Variants in LAMC1 observed in about 807,000 individuals in gnomAD.
The protein encoded by LAMC1 is laminin subunit gamma-1.
In LAMC1, 38 loss-of-function variants were observed where a neutral mutation model predicts 173.6. That is an observed-to-expected ratio of 0.22 (90% CI 0.17 to 0.29). The LOEUF (loss-of-function observed/expected upper bound fraction) is 0.29, where lower values mean the gene tolerates loss of function less well. Among genes scored for constraint, LAMC1 ranks in the 10% least tolerant of loss-of-function variants. The probability of loss-of-function intolerance (pLI) is 1.00; values close to 1 mark genes in which losing one functional copy is unlikely to be tolerated. For missense variants in LAMC1, 1,824 were observed against 2,051.8 expected (o/e 0.89, Z 2.14); for synonymous variants, 746 against 749.1 (o/e 1.00, Z 0.07).
At chr1:183,044,718 T>C (rs1243901196) in intron 1 of LAMC1, among the ~76,000 whole-genome samples, 1 of 152,134 alleles carries the variant, frequency 6.6e-6, no homozygotes, top group African/African-American at 2.4e-5. Context: ...ACCTGTCTGT[T>C]CTGTTGAACT....
intron 26 of LAMC1, among the ~76,000 whole-genome samples, chr1:183,139,366 A>G (rs1657041011): frequency 1.3e-5 from 2 of 152,254 alleles, no homozygotes; most frequent in South Asian, 4.1e-4. Flanking sequence ...CAGAAGAATG[A>G]AGGTTTATAG....
chr1:183,125,479 C>A lies in LAMC1; in HGVS notation c.2730C>A (p.His910Gln). The change falls in exon 15 of 28, where the codon CAC (histidine) becomes CAA (glutamine). Residue 910 changes from histidine (H) to glutamine (Q), a missense_variant. Transcript: ENST00000258341. Reference protein sequence around the residue: ...PVTGQCECLPHVTGQDCGACD... With the variant: ...PVTGQCECLPQVTGQDCGACD... The stretch of plus-strand genomic sequence containing the variant: ...CGGGGCAGTGTGAATGTTTGCCTCA[C>A]GTGACTGGCCAGGACTGTGGTGCTT... 1 of 1,613,746 alleles carries A rather than the reference C, an allele frequency of 6.2e-7. No homozygotes were observed. The highest frequency in any genetic ancestry group is 8.5e-7 in the Non-Finnish European group (1 of 1,179,646).
chr1:183,130,621 A>G, intron 19 of LAMC1, 72 bp downstream of exon 19: 1 of 1,192,282 alleles, frequency 8.4e-7, no homozygotes, highest in Non-Finnish European at 1.2e-6. Context: ...TGTTACTGGC[A>G]GTGGAGTGCT....
chr1:183,031,704 CTGTT>C (rs1487062394), intron 1 of LAMC1, among the ~76,000 whole-genome samples: 2 of 152,100 alleles, frequency 1.3e-5, no homozygotes, highest in African/African-American at 4.8e-5. Flanking sequence ...TAGAGCAGAG[CTGTT>C]TGTTTATTTT....
At position 183,138,750 on chromosome 1, in the gene LAMC1, A is replaced by C. The variant is rs981179948; in HGVS notation, c.4473+923A>C. Among the ~76,000 whole-genome samples, 3 of 152,144 alleles carry C rather than the reference A, an allele frequency of 2.0e-5. No individual in the cohort carries two copies. In the South Asian group the frequency reaches 6.2e-4, roughly 32 times the overall value. ...GATTTTCTCCGTTATGGTGTGGCTC[A>C]AGTAAAAATTCCCATAAAGGTGTCT... On this transcript the variant is annotated intron_variant, in intron 26 of 27. Coordinates refer to ENST00000258341, the MANE Select transcript of LAMC1 (RefSeq NM_002293.4).
intron 21 of LAMC1, among the ~76,000 whole-genome samples, chr1:183,133,015 A>AT (rs1334520894): frequency 2.0e-5 from 3 of 151,978 alleles, no homozygotes; most frequent in Non-Finnish European, 4.4e-5. Context: ...GGTTCAAGCG[A>AT]TTCTCCTGCC....
chr1:183,029,357 A>C (rs1377378892), intron 1 of LAMC1, among the ~76,000 whole-genome samples: 1 of 151,988 alleles, frequency 6.6e-6, no homozygotes, highest in Non-Finnish European at 1.5e-5. Context: ...CTCCAAATAA[A>C]CTGGTGGGCT....
chr1:183,142,384 TG>T, intron 27 of LAMC1, 149 bp from the exon 28 acceptor site: 1 of 749,374 alleles, frequency 1.3e-6, no homozygotes, highest in East Asian at 2.6e-5. Context: ...TTTATACCAT[TG>T]TGTGACATCA....
intron 4 of LAMC1, 122 bp from the exon 5 acceptor site, chr1:183,114,409 T>C: frequency 1.2e-5 from 12 of 982,776 alleles, no homozygotes; most frequent in Non-Finnish European, 1.9e-5. Flanking sequence ...CTGGTAATCA[T>C]TCTTAGTCTA....
At chr1:183,077,707 A>G (rs1273999190) in intron 1 of LAMC1, among the ~76,000 whole-genome samples, 1 of 149,240 alleles carries the variant, frequency 6.7e-6, no homozygotes, top group Non-Finnish European at 1.5e-5. Context: ...CTTCAGTCTC[A>G]TTCAGGTCAC....
intron 6 of LAMC1, 27 bp downstream of exon 6, chr1:183,115,664 G>C (rs760015795): frequency 7.0e-7 from 1 of 1,427,590 alleles, no homozygotes; most frequent in South Asian, 1.1e-5. Context: ...GCCAGAAGAA[G>C]GGGGCAGAAT....
In LAMC1 at chr1:183,135,175, A is replaced by G. The variant is rs1656901847; in HGVS notation, c.4114+19A>G. 1 of 1,496,840 alleles carries G rather than the reference A, an allele frequency of 6.7e-7. No individual in the cohort carries two copies. The highest frequency in any genetic ancestry group is 1.1e-5 in the South Asian group (1 of 87,994). The allele number at this position is 1,496,840 out of a possible 1,614,324, so 92.7% of individuals were successfully genotyped here. ...CTGAAAGGTAGAAAAGGCTGAGATAACAGGGGCAAATGCTTCCGCCACTAG... is the reference window on the plus strand; with the variant it reads ...CTGAAAGGTAGAAAAGGCTGAGATAGCAGGGGCAAATGCTTCCGCCACTAG... On this transcript the variant is annotated intron_variant, in intron 24 of 27. Transcript: ENST00000258341.
chr1:183,133,670 T>C (rs1457606804), intron 22 of LAMC1, 120 bp downstream of exon 22: 7 of 1,009,158 alleles, frequency 6.9e-6, no homozygotes, highest in Non-Finnish European at 7.1e-6. Context: ...TTGAGTCTTA[T>C]TTCACATACG....
At chr1:183,115,238 C>T (rs1300387712) in intron 5 of LAMC1, among the ~76,000 whole-genome samples, 1 of 152,108 alleles carries the variant, frequency 6.6e-6, no homozygotes, top group Non-Finnish European at 1.5e-5. Context: ...AGTAACTGAT[C>T]TTGTGTGCAG....
intron 1 of LAMC1, among the ~76,000 whole-genome samples, chr1:183,102,689 C>T (rs1402215621): frequency 6.6e-6 from 1 of 152,158 alleles, no homozygotes; most frequent in Admixed American, 6.5e-5. Context: ...CTTTTTAAAC[C>T]TCCTTTCTCC....
intron 18 of LAMC1, among the ~76,000 whole-genome samples, chr1:183,129,114 A>G (rs10737242): frequency 0.52 from 71,865 of 137,950 alleles, 19,578 homozygotes; most frequent in South Asian, 0.65. Context: ...TTGAGCCACA[A>G]TCACTCTGTT....
intron 26 of LAMC1, among the ~76,000 whole-genome samples, chr1:183,140,054 G>A (rs938140500): frequency 6.6e-6 from 1 of 151,920 alleles, no homozygotes; most frequent in African/African-American, 2.4e-5. Flanking sequence ...AAAATAACTT[G>A]TTTCTGCTTA....
chr1:183,133,696 A>G, intron 22 of LAMC1, 146 bp downstream of exon 22: 1 of 757,142 alleles, frequency 1.3e-6, no homozygotes. Flanking sequence ...AGAACTTACC[A>G]AGGTAGCCAG....
At chr1:183,087,916 C>T (rs901380910) in intron 1 of LAMC1, among the ~76,000 whole-genome samples, 5 of 151,520 alleles carry the variant, frequency 3.3e-5, no homozygotes, top group Admixed American at 1.3e-4. Flanking sequence ...CAGGTTCAAG[C>T]GATTCTCCTG....
Sources: allele counts gnomAD v4.1 joint callset (sites outside exome capture counted in the v4.1 genomes callset), GRCh38; gene constraint gnomAD v4.1.1; transcripts MANE v1.5; gene names NCBI Gene and HGNC (gene_info 2026-07-23, HGNC 2026-07-21).